The following NCKAP1 variants were observed in gnomAD, a reference collection of about 807,000 sequenced individuals.
NCKAP1 encodes nck-associated protein 1.
In NCKAP1, 21 loss-of-function variants were observed where a neutral mutation model predicts 151.2. The ratio of observed to expected loss-of-function variants is 0.14; its 90% CI spans 0.10 to 0.20. The LOEUF is 0.20. Ranked by LOEUF, NCKAP1 falls within the 10% of genes least tolerant of loss-of-function variation. The pLI, the probability that NCKAP1 is intolerant of heterozygous loss-of-function variation, is 1.00. For missense variants in NCKAP1, 933 were observed against 1,352.1 expected, an observed-to-expected ratio of 0.69 and a Z score of 4.86; for synonymous variants, 484 against 451.8, an observed-to-expected ratio of 1.07 and a Z score of -0.90.
chr2:183,011,693 G>A (rs961336611), intron 2 of NCKAP1, among the ~76,000 whole-genome samples: 1 of 152,038 alleles, frequency 6.6e-6, no homozygotes, highest in Non-Finnish European at 1.5e-5. Flanking sequence ...TTTCCAATTC[G>A]GGGCTATCAT....
rs142034929 is a variant in NCKAP1, at chr2:182,962,078, G to C, written c.1881+81C>G. ...TAGTGTGGGAACTAAAGAATGGAAAGTAAAACAACAACTGGCTAAAAGCAC... is the reference window on the plus strand; with the variant it reads ...TAGTGTGGGAACTAAAGAATGGAAACTAAAACAACAACTGGCTAAAAGCAC... On this transcript the variant is annotated intron_variant, in intron 18 of 30. Transcript: ENST00000361354. 8 of 1,424,372 alleles carry C rather than the reference G, an allele frequency of 5.6e-6. No homozygotes were observed. The East Asian group carries it at 1.7e-4, about 29-fold the overall frequency. 88.2% of individuals were successfully genotyped at this position (1,424,372 alleles called of 1,614,324 possible). A position where few individuals can be genotyped will look rare whatever the true frequency, so the allele number is the denominator to read the frequency against.
rs1375420043 is a variant in NCKAP1, at chr2:182,912,083, A to G, written c.*13619T>C. 1 of 152,192 alleles carries G rather than the reference A, an allele frequency of 6.6e-6. No homozygotes were observed. Among genetic ancestry groups the G allele is most frequent in the Non-Finnish European group, 1.5e-5 (1 of 68,038 alleles). 9.4% of individuals were successfully genotyped at this position (152,192 alleles called of 1,614,324 possible). A position where few individuals can be genotyped will look rare whatever the true frequency, so the allele number is the denominator to read the frequency against. ...CATCATGAAAAATTCCTTTTACCTA[A>G]AAAACTGCTGAAGTTCAGAGGTTGT... On this transcript the variant is annotated 3_prime_UTR_variant, in exon 31 of 31. Transcript: ENST00000361354.
At chr2:182,944,763 T>C (rs1697066004) in intron 23 of NCKAP1, among the ~76,000 whole-genome samples, 1 of 152,204 alleles carries the variant, frequency 6.6e-6, no homozygotes, top group South Asian at 2.1e-4. Flanking sequence ...CAAATGATAC[T>C]TAGTTTATAT....
In NCKAP1 at chr2:182,917,303, C is replaced by T. The variant is rs1696483167; in HGVS notation, c.*8399G>A. On this transcript the variant is annotated 3_prime_UTR_variant, in exon 31 of 31. Coordinates refer to ENST00000361354, the MANE Select transcript of NCKAP1 (RefSeq NM_013436.5). ...AGTCATATCCACGTCCAAAATCCTA[C>T]CAGGAACCAGTAGCTGTTTATCATT... 4.6e-5 allele frequency: 7 copies of T among 152,258 alleles called. 1 individual carries two copies. The South Asian group carries it at 1.2e-3, about 27-fold the overall frequency. The allele number at this position is 152,258 out of a possible 1,614,324, so 9.4% of individuals were successfully genotyped here. A position where few individuals can be genotyped will look rare whatever the true frequency, so the allele number is the denominator to read the frequency against.
Position 182,936,136 on chromosome 2 carries a change from G to C in NCKAP1, c.2696-761C>G, listed in dbSNP as rs114763527. Reference sequence around the variant, plus strand: ...CAATCGGGTGTGGGGGCATGAGCCTGTGGTCCTAGTACTTGGGAGGCTAAG... The same window carrying C: ...CAATCGGGTGTGGGGGCATGAGCCTCTGGTCCTAGTACTTGGGAGGCTAAG... On this transcript the variant is annotated intron_variant, in intron 24 of 30. Coordinates refer to ENST00000361354, the MANE Select transcript of NCKAP1 (RefSeq NM_013436.5). Among the ~76,000 whole-genome samples the C allele has an allele frequency of 8.4e-3, 1,284 of 152,118 alleles. 18 individuals carry two copies. The highest frequency in any genetic ancestry group is 0.029 in the African/African-American group (1,222 of 41,498).
At chr2:182,942,253 A>G in intron 23 of NCKAP1, 90 bp from the exon 24 acceptor site, 1 of 912,908 alleles carries the variant, frequency 1.1e-6, no homozygotes, top group Non-Finnish European at 1.7e-6. Context: ...TCTGGCAAGT[A>G]GGAAACACAA....
chr2:182,983,141 T>C, intron 11 of NCKAP1, 145 bp downstream of exon 11: 1 of 710,754 alleles, frequency 1.4e-6, no homozygotes. Flanking sequence ...GATGTATGAA[T>C]GTCAAGTCAG....
In NCKAP1 at chr2:182,924,020, C is replaced by A. The variant is rs1483347944; in HGVS notation, c.*1682G>T. The stretch of plus-strand genomic sequence containing the variant: ...AGATCACTGCCAACAAAGTTATTAC[C>A]TCTCTAAGATCCTAATATTTCAAAA... On this transcript the variant is annotated 3_prime_UTR_variant, in exon 31 of 31. Transcript: ENST00000361354. 1 of 152,150 alleles carries A rather than the reference C, an allele frequency of 6.6e-6. No individual in the cohort carries two copies. The highest frequency in any genetic ancestry group is 2.4e-5 in the African/African-American group (1 of 41,430). 9.4% of individuals were successfully genotyped at this position (152,150 alleles called of 1,614,324 possible).
At chr2:182,952,599 T>G in intron 22 of NCKAP1, 97 bp from the exon 23 acceptor site, 2 of 1,123,016 alleles carry the variant, frequency 1.8e-6, no homozygotes, top group Non-Finnish European at 2.5e-6. Flanking sequence ...TAAAAACTAA[T>G]GTAAAATCCT....
At chr2:183,029,230 A>C (rs1215329309) in intron 1 of NCKAP1, among the ~76,000 whole-genome samples, 2 of 152,176 alleles carry the variant, frequency 1.3e-5, no homozygotes, top group Non-Finnish European at 2.9e-5. Flanking sequence ...ATGTTTCAGA[A>C]AACTACACAA....
Position 183,002,178 on chromosome 2 carries a change from T to C in NCKAP1, c.461A>G (p.Lys154Arg), listed in dbSNP as rs779215853. The change falls in exon 5 of 31, where the codon AAG (lysine) becomes AGG (arginine). Residue 154 changes from lysine (K) to arginine (R), a missense_variant. Transcript: ENST00000361354. ...ATAGTTGTATAATCCAATGATTGCCTTCCTTTCTTCAATTCGAGACAGCAG... is the reference window on the plus strand; with the variant it reads ...ATAGTTGTATAATCCAATGATTGCCCTCCTTTCTTCAATTCGAGACAGCAG... ...MILLSRIEER[K>R]AIIGLYNYAH... 192 of 1,610,896 alleles carry C rather than the reference T, an allele frequency of 1.2e-4. No individual in the cohort carries two copies. Among genetic ancestry groups the C allele is most frequent in the Non-Finnish European group, 1.5e-4 (180 of 1,177,326 alleles).
chr2:182,995,004 T>C lies in NCKAP1; in HGVS notation c.742-117A>G, dbSNP rs575352596. The C allele has an allele frequency of 6.4e-5, 49 of 763,906 alleles. 1 individual carries two copies. In the African/African-American group the frequency reaches 8.4e-4, roughly 13 times the overall value. The allele number at this position is 763,906 out of a possible 1,614,324, so 47.3% of individuals were successfully genotyped here. A position where few individuals can be genotyped will look rare whatever the true frequency, so the allele number is the denominator to read the frequency against. ...ACTACCCAATTCTTCGCCCAAATAC[T>C]ACCACAACAAATTTGAAGAGCTGGA... On this transcript the variant is annotated intron_variant, in intron 7 of 30. Transcript: ENST00000361354.
At chr2:182,926,154 C>T (rs903162700) in intron 30 of NCKAP1, among the ~76,000 whole-genome samples, 10 of 151,594 alleles carry the variant, frequency 6.6e-5, no homozygotes, top group African/African-American at 1.2e-4. Flanking sequence ...ATCAACTCTA[C>T]CTGGCAATCA....
In NCKAP1 at chr2:182,913,936, A is replaced by C. The variant is rs1696431930; in HGVS notation, c.*11766T>G. The C allele has an allele frequency of 6.6e-6, 1 of 152,316 alleles. No homozygotes were observed. Among genetic ancestry groups the C allele is most frequent in the Non-Finnish European group, 1.5e-5 (1 of 68,120 alleles). 9.4% of individuals were successfully genotyped at this position (152,316 alleles called of 1,614,324 possible). A position where few individuals can be genotyped will look rare whatever the true frequency, so the allele number is the denominator to read the frequency against. ...GAAACTTTCTGCTTAAGTAGCCCCC[A>C]CAACCCTCAGCCTCTTGGTTCTAAC... On this transcript the variant is annotated 3_prime_UTR_variant, in exon 31 of 31. Coordinates refer to ENST00000361354, the MANE Select transcript of NCKAP1 (RefSeq NM_013436.5).
chr2:182,928,979 T>A, intron 27 of NCKAP1, 80 bp from the exon 28 acceptor site: 1 of 893,736 alleles, frequency 1.1e-6, no homozygotes, highest in Non-Finnish European at 1.7e-6. Flanking sequence ...CTAAACAGAT[T>A]TTTATTTTAA....
Position 182,957,450 on chromosome 2 carries a change from T to C in NCKAP1, c.2021+7A>G, listed in dbSNP as rs1697349503. 3 of 1,609,126 alleles carry C rather than the reference T, an allele frequency of 1.9e-6. No homozygotes were observed. Among genetic ancestry groups the C allele is most frequent in the Admixed American group, 3.4e-5 (2 of 58,614 alleles). On this transcript the variant is annotated splice_region_variant and intron_variant, in intron 19 of 30. Transcript: ENST00000361354. ...AGCAAAAAGGTATAATATAAGTGGA[T>C]ACTTACTTGGTCACAACCAGCCTGT...
Position 182,962,150 on chromosome 2 carries a change from A to T in NCKAP1, c.1881+9T>A. The T allele has an allele frequency of 6.3e-7, 1 of 1,583,882 alleles. No individual in the cohort carries two copies. Among genetic ancestry groups the T allele is most frequent in the Non-Finnish European group, 8.6e-7 (1 of 1,166,342 alleles). ...ATTTCCTATCTGTTGGAAACACTTA[A>T]ATCATTACCTGGTCACTAAGGGTAC... is the stretch of plus-strand genomic sequence containing the variant. On this transcript the variant is annotated intron_variant, in intron 18 of 30. Transcript: ENST00000361354.
chr2:182,958,164 T>C (rs760766196), intron 18 of NCKAP1, among the ~76,000 whole-genome samples: 37 of 152,212 alleles, frequency 2.4e-4, no homozygotes, highest in Non-Finnish European at 5.0e-4. Context: ...TCTTTTCTTT[T>C]GAGAAGGAGT....
rs1464253828 is a variant in NCKAP1, at chr2:182,912,888, A to AAG, written c.*12813_*12814insCT. ...AGGAAGGAAGGAAGGAAGGAAGGAA[A>AAG]GAATTCAGCCAGATGAACTTTAGTT... is the stretch of plus-strand genomic sequence containing the variant. On this transcript the variant is annotated 3_prime_UTR_variant, in exon 31 of 31. Coordinates refer to ENST00000361354, the MANE Select transcript of NCKAP1 (RefSeq NM_013436.5). The AAG allele has an allele frequency of 4.2e-5, 1 of 23,558 alleles. No individual in the cohort carries two copies. Among genetic ancestry groups the AAG allele is most frequent in the African/African-American group, 8.4e-5 (1 of 11,908 alleles). The allele number at this position is 23,558 out of a possible 1,614,324, so 1.5% of individuals were successfully genotyped here.
Sources: allele counts gnomAD v4.1 joint callset (sites outside exome capture counted in the v4.1 genomes callset), GRCh38; gene constraint gnomAD v4.1.1; transcripts MANE v1.5; gene names NCBI Gene and HGNC (gene_info 2026-07-23, HGNC 2026-07-21).